Variants in SLC41A2 observed in about 807,000 individuals in gnomAD.
SLC41A2 encodes the protein SLC41A1-like 1.
In SLC41A2, 32 loss-of-function variants were observed where a neutral mutation model predicts 58.3. That is an observed-to-expected ratio of 0.55 (90% CI 0.41 to 0.74). The LOEUF is 0.74. SLC41A2 is among the 30% of genes least tolerant of loss of function. SLC41A2 has a pLI of 0.00. For synonymous variants in SLC41A2, 190 were observed against 235.0 expected (o/e 0.81, Z 1.75); for missense variants, 514 against 680.6 (o/e 0.76, Z 2.72).
chr12:104,814,013 T>C (rs1161397178), intron 10 of SLC41A2, among the ~76,000 whole-genome samples: 1 of 152,200 alleles, frequency 6.6e-6, no homozygotes, highest in African/African-American at 2.4e-5. Context: ...ACTGTAAGGG[T>C]ATTTCGTAAA....
At chr12:104,952,807 T>G (rs1022211264) in intron 1 of SLC41A2, among the ~76,000 whole-genome samples, 41 of 152,174 alleles carry the variant, frequency 2.7e-4, no homozygotes, top group African/African-American at 9.2e-4. Context: ...TTCTCACACC[T>G]CTTGGCCTTT....
At chr12:104,864,830 T>G (rs2043355545) in intron 7 of SLC41A2, among the ~76,000 whole-genome samples, 1 of 152,180 alleles carries the variant, frequency 6.6e-6, no homozygotes, top group Admixed American at 6.6e-5. Flanking sequence ...GCAATAGCTA[T>G]TATGCAATAG....
chr12:104,814,382 C>A (rs768047666), intron 10 of SLC41A2, among the ~76,000 whole-genome samples: 3 of 152,114 alleles, frequency 2.0e-5, no homozygotes, highest in Non-Finnish European at 4.4e-5. Context: ...AAGATTGTGT[C>A]TCACAACAAA....
intron 10 of SLC41A2, among the ~76,000 whole-genome samples, chr12:104,830,025 A>G (rs2041986818): frequency 1.3e-5 from 2 of 152,322 alleles, no homozygotes; most frequent in Middle Eastern, 6.8e-3. Flanking sequence ...CCTTTACAGA[A>G]AAAGTTTGTG....
intron 10 of SLC41A2, 49 bp from the exon 11 acceptor site, chr12:104,805,386 C>A: frequency 1.3e-6 from 2 of 1,521,388 alleles, no homozygotes; most frequent in South Asian, 1.3e-5. Flanking sequence ...CATTCCTAGC[C>A]CATGAAACAT....
In SLC41A2 at chr12:104,820,387, C is replaced by T. The variant is rs541928943; in HGVS notation, c.1537-15050G>A. ...CTGAGGCAAGAGGATCACCTTAAGC[C>T]GAGGAGTTCAAGGTTACAGTGAGCT... On this transcript the variant is annotated intron_variant, in intron 10 of 10. Transcript: ENST00000258538. Among the ~76,000 whole-genome samples, 112 of 152,294 alleles carry T rather than the reference C, an allele frequency of 7.4e-4. 1 individual carries two copies. The highest frequency in any genetic ancestry group is 1.4e-3 in the Admixed American group (22 of 15,298).
At chr12:104,850,519 A>C (rs531181241) in intron 8 of SLC41A2, among the ~76,000 whole-genome samples, 42 of 152,302 alleles carry the variant, frequency 2.8e-4, no homozygotes, top group Non-Finnish European at 8.8e-5. Context: ...TAATAATGTT[A>C]ATTTGTTATG....
intron 1 of SLC41A2, among the ~76,000 whole-genome samples, chr12:104,938,451 A>C (rs2468396): frequency 0.52 from 79,809 of 152,020 alleles, 21,281 homozygotes; most frequent in Middle Eastern, 0.57. Flanking sequence ...ACTGTAGGAG[A>C]ATTCTACTTC....
chr12:104,918,222 G>C (rs1420237140), intron 2 of SLC41A2, among the ~76,000 whole-genome samples: 1 of 151,942 alleles, frequency 6.6e-6, no homozygotes, highest in African/African-American at 2.4e-5. Context: ...AACTTCTTTG[G>C]TGGAATCTGG....
At chr12:104,888,278 T>C (rs1259685048) in intron 5 of SLC41A2, among the ~76,000 whole-genome samples, 1 of 152,048 alleles carries the variant, frequency 6.6e-6, no homozygotes, top group African/African-American at 2.4e-5. Flanking sequence ...TAAGATTCCC[T>C]AAATTCCCAG....
At chr12:104,850,387 TA>T (rs1252396428) in intron 8 of SLC41A2, among the ~76,000 whole-genome samples, 1 of 152,192 alleles carries the variant, frequency 6.6e-6, no homozygotes, top group Non-Finnish European at 1.5e-5. Context: ...TGGGCATACA[TA>T]AATATTATAC....
intron 10 of SLC41A2, among the ~76,000 whole-genome samples, chr12:104,843,259 A>G (rs148968471): frequency 1.3e-5 from 2 of 151,962 alleles, no homozygotes; most frequent in Admixed American, 6.6e-5. Flanking sequence ...ACAGAGTCTG[A>G]ACTTATTCCT....
chr12:104,925,511 T>A (rs920624236), intron 2 of SLC41A2, among the ~76,000 whole-genome samples: 1 of 151,580 alleles, frequency 6.6e-6, no homozygotes, highest in African/African-American at 2.4e-5. Context: ...TGAGCCGAGA[T>A]AGCGCCACTG....
chr12:104,846,638 T>C (rs2042609564), intron 8 of SLC41A2, among the ~76,000 whole-genome samples: 1 of 152,228 alleles, frequency 6.6e-6, no homozygotes, highest in Non-Finnish European at 1.5e-5. Context: ...CTCCATCCCA[T>C]GCCTTTCACT....
chr12:104,930,739 G>C (rs1367300609), intron 1 of SLC41A2, among the ~76,000 whole-genome samples: 1 of 152,116 alleles, frequency 6.6e-6, no homozygotes, highest in Admixed American at 6.5e-5. Context: ...TTGAAAACCT[G>C]ACCAAATAGC....
chr12:104,930,144 A>C (rs2046996242), intron 1 of SLC41A2, among the ~76,000 whole-genome samples: 1 of 152,104 alleles, frequency 6.6e-6, no homozygotes, highest in South Asian at 2.1e-4. Context: ...GAGGCCCATA[A>C]ATCTTTTTTA....
At chr12:104,873,872 G>A (rs1465199177) in intron 6 of SLC41A2, among the ~76,000 whole-genome samples, 1 of 151,974 alleles carries the variant, frequency 6.6e-6, no homozygotes, top group Non-Finnish European at 1.5e-5. Context: ...TTTAAATTGG[G>A]TTATGTGTTT....
chr12:104,902,385 T>C (rs1000686397), intron 3 of SLC41A2, among the ~76,000 whole-genome samples: 25 of 152,184 alleles, frequency 1.6e-4, no homozygotes, highest in Admixed American at 1.6e-3. Context: ...GACAAGGTGA[T>C]TGGTAATGTT....
chr12:104,878,722 T>C (rs1395692587), intron 6 of SLC41A2, among the ~76,000 whole-genome samples: 1 of 152,222 alleles, frequency 6.6e-6, no homozygotes, highest in African/African-American at 2.4e-5. Context: ...TTGTTGGACA[T>C]TTGGCTTGGT....
Sources: allele counts gnomAD v4.1 joint callset (sites outside exome capture counted in the v4.1 genomes callset), GRCh38; gene constraint gnomAD v4.1.1; transcripts MANE v1.5; gene names NCBI Gene and HGNC (gene_info 2026-07-23, HGNC 2026-07-21).